Variants in WWOX observed in about 807,000 individuals in gnomAD.
WWOX encodes the protein WW domain-containing oxidoreductase.
A neutral mutation model predicts 46.2 loss-of-function variants in WWOX; 69 were observed. That is an observed-to-expected ratio of 1.49 (90% CI 1.23 to 1.82). The LOEUF (loss-of-function observed/expected upper bound fraction) is 1.82, where lower values mean the gene tolerates loss of function less well. WWOX is among the 40% of genes most tolerant of loss of function. WWOX has a pLI of 0.00. For synonymous variants in WWOX, 359 were observed against 202.6 expected (o/e 1.77, Z -6.56); for missense variants, 919 against 542.6 (o/e 1.69, Z -6.89).
intron 8 of WWOX, among the ~76,000 whole-genome samples, chr16:78,687,673 A>G (rs949795575): frequency 1.3e-5 from 2 of 152,226 alleles, no homozygotes; most frequent in Non-Finnish European, 2.9e-5. Flanking sequence ...ATTACACAGT[A>G]CTAGGCAAGC....
At chr16:79,006,293 C>T (rs778553682) in intron 8 of WWOX, among the ~76,000 whole-genome samples, 49 of 152,054 alleles carry the variant, frequency 3.2e-4, no homozygotes, top group Non-Finnish European at 6.5e-4. Context: ...AGATGTGAAG[C>T]GCGGGAAGTC....
chr16:78,388,504 G>C (rs1954695906), intron 6 of WWOX, among the ~76,000 whole-genome samples: 1 of 151,976 alleles, frequency 6.6e-6, no homozygotes, highest in Non-Finnish European at 1.5e-5. Flanking sequence ...AAAATTAGCT[G>C]GGTGTAGTGG....
At chr16:79,022,590 C>T (rs187137332) in intron 8 of WWOX, among the ~76,000 whole-genome samples, 1 of 152,262 alleles carries the variant, frequency 6.6e-6, no homozygotes, top group Non-Finnish European at 1.5e-5. Context: ...GGGAAGGGAA[C>T]ATACTTTTAG....
intron 8 of WWOX, among the ~76,000 whole-genome samples, chr16:78,775,427 G>T (rs951925196): frequency 6.6e-6 from 1 of 152,098 alleles, no homozygotes; most frequent in Admixed American, 6.5e-5. Flanking sequence ...ATGTTCTTTT[G>T]TGGCTTGTCT....
chr16:79,141,869 G>T (rs1469418165), intron 8 of WWOX, among the ~76,000 whole-genome samples: 1 of 151,998 alleles, frequency 6.6e-6, no homozygotes, highest in Non-Finnish European at 1.5e-5. Context: ...TCTTGGCGTT[G>T]TGATTAGCCC....
At chr16:78,759,302 A>C (rs1485716118) in intron 8 of WWOX, among the ~76,000 whole-genome samples, 1 of 152,324 alleles carries the variant, frequency 6.6e-6, no homozygotes, top group South Asian at 2.1e-4. Flanking sequence ...CTTGGTGAGA[A>C]ATGAATTCGT....
intron 5 of WWOX, among the ~76,000 whole-genome samples, chr16:78,175,954 T>G (rs1203865313): frequency 6.6e-6 from 1 of 152,142 alleles, no homozygotes; most frequent in Non-Finnish European, 1.5e-5. Flanking sequence ...CGGGGTTGCA[T>G]CCATCTCCCA....
rs188569976 is a variant in WWOX at position 78,699,689 on chromosome 16, G to A, written c.1056+266937G>A. ...GAGTCAGCTATTCCCTCTTCTGCCC[G>A]CTGATATCTACAGCCTCTACCAGAT... On this transcript the variant is annotated intron_variant, in intron 8 of 8. Coordinates refer to ENST00000566780, the MANE Select transcript of WWOX (RefSeq NM_016373.4). Among the ~76,000 whole-genome samples, 501 of 152,254 alleles carry A rather than the reference G, an allele frequency of 3.3e-3. 2 individuals are homozygous for A. The highest frequency in any genetic ancestry group is 0.012 in the African/African-American group (479 of 41,548).
At chr16:78,198,822 A>G (rs184575247) in intron 5 of WWOX, among the ~76,000 whole-genome samples, 11 of 152,322 alleles carry the variant, frequency 7.2e-5, no homozygotes, top group African/African-American at 2.4e-4. Flanking sequence ...ACATGCATAC[A>G]TATATGTAAT....
intron 8 of WWOX, among the ~76,000 whole-genome samples, chr16:79,106,940 T>C (rs1483495001): frequency 6.6e-6 from 1 of 151,640 alleles, no homozygotes; most frequent in African/African-American, 2.4e-5. Flanking sequence ...CTCGAGTAGC[T>C]GGGATTCTGG....
At chr16:79,171,711 G>A (rs919512949) in intron 8 of WWOX, among the ~76,000 whole-genome samples, 2 of 152,110 alleles carry the variant, frequency 1.3e-5, no homozygotes, top group Non-Finnish European at 2.9e-5. Flanking sequence ...ATCAGCAGAT[G>A]TTCTTTCTTC....
At chr16:79,107,656 C>T (rs1007884911) in intron 8 of WWOX, among the ~76,000 whole-genome samples, 4 of 152,140 alleles carry the variant, frequency 2.6e-5, no homozygotes, top group East Asian at 3.9e-4. Context: ...TCGTAATAGG[C>T]GACATGCACA....
chr16:78,627,905 G>C (rs2046346200), intron 8 of WWOX, among the ~76,000 whole-genome samples: 1 of 152,316 alleles, frequency 6.6e-6, no homozygotes, highest in South Asian at 2.1e-4. Flanking sequence ...TTTGGCGTTG[G>C]CCAGAACTTG....
rs759652691 is a variant in WWOX at position 79,148,793 on chromosome 16, G to GGTC, written c.1057-62814_1057-62813insTCG. On this transcript the variant is annotated intron_variant, in intron 8 of 8. Coordinates refer to ENST00000566780, the MANE Select transcript of WWOX (RefSeq NM_016373.4). ...CATTTTCTTTGGAGCGATTGTAAAT[G>GGTC]GCATTGTGTTTTTAATTCCAACTTC... 4.7e-3 allele frequency among the ~76,000 whole-genome samples: 713 copies of GGTC among 152,038 alleles called. 4 individuals are homozygous for GGTC. The highest frequency in any genetic ancestry group is 7.5e-3 in the Non-Finnish European group (507 of 67,952).
chr16:78,816,024 G>C (rs918823886), intron 8 of WWOX, among the ~76,000 whole-genome samples: 11 of 152,184 alleles, frequency 7.2e-5, no homozygotes, highest in Admixed American at 3.3e-4. Context: ...GTAAGGCCAA[G>C]TGGTCATAGC....
chr16:78,801,638 A>G (rs965457329), intron 8 of WWOX, among the ~76,000 whole-genome samples: 2 of 152,156 alleles, frequency 1.3e-5, no homozygotes, highest in African/African-American at 4.8e-5. Flanking sequence ...TTCTCTCCTT[A>G]ACTTTGTTTC....
intron 8 of WWOX, among the ~76,000 whole-genome samples, chr16:78,935,751 A>T (rs868045407): frequency 6.6e-6 from 1 of 151,914 alleles, no homozygotes; most frequent in Non-Finnish European, 1.5e-5. Context: ...AACTTAAAGT[A>T]TAAAAAAAAA....
At chr16:78,342,443 G>A (rs954192349) in intron 5 of WWOX, among the ~76,000 whole-genome samples, 1 of 120,780 alleles carries the variant, frequency 8.3e-6, no homozygotes. Context: ...ACAGGATGAA[G>A]CAGCATTTTT....
At chr16:79,131,466 T>G (rs13331974) in intron 8 of WWOX, among the ~76,000 whole-genome samples, 36,496 of 152,074 alleles carry the variant, frequency 0.24, 4,546 homozygotes, top group East Asian at 0.38. Context: ...CATACTCTTA[T>G]GCAATTTATG....
Sources: gnomAD v4.1 joint callset for allele counts (sites outside exome capture counted in the v4.1 genomes callset) on GRCh38, gnomAD v4.1.1 for gene constraint, MANE v1.5 for transcripts, NCBI Gene and HGNC (gene_info 2026-07-23, HGNC 2026-07-21) for gene names.